Variants in WSB1 observed in about 807,000 individuals in gnomAD.
WSB1 encodes the protein WD repeat and SOCS box-containing protein 1.
In WSB1, 23 loss-of-function variants were observed where a neutral mutation model predicts 50.2. That is an observed-to-expected ratio of 0.46 (90% CI 0.33 to 0.65). The LOEUF is 0.65. Ranked by LOEUF, WSB1 falls within the 30% of genes least tolerant of loss-of-function variation. WSB1 has a pLI of 0.02. For synonymous variants in WSB1, 179 were observed against 172.0 expected (o/e 1.04, Z -0.32); for missense variants, 492 against 522.3 (o/e 0.94, Z 0.56).
Position 27,312,529 on chromosome 17 carries a change from A to G in WSB1, c.*160A>G. 5.5e-6 allele frequency: 5 copies of G among 909,844 alleles called. No individual in the cohort carries two copies. Among genetic ancestry groups the G allele is most frequent in the Non-Finnish European group, 8.0e-6 (5 of 626,946 alleles). The allele number at this position is 909,844 out of a possible 1,614,324, so 56.4% of individuals were successfully genotyped here. ...TGATCAGTTGAGCTTTTAAAATATT[A>G]TTTATAGACAATAGAAGTATTTCTG... On this transcript the variant is annotated 3_prime_UTR_variant, in exon 9 of 9. Transcript: ENST00000262394.
At chr17:27,307,012 G>C in intron 5 of WSB1, 130 bp downstream of exon 5, 1 of 817,806 alleles carries the variant, frequency 1.2e-6, no homozygotes, top group Non-Finnish European at 1.9e-6. Flanking sequence ...TTTATTTCAT[G>C]ATGGGGGAGA....
intron 1 of WSB1, among the ~76,000 whole-genome samples, chr17:27,301,168 G>A (rs765664725): frequency 4.6e-5 from 7 of 152,098 alleles, no homozygotes; most frequent in Non-Finnish European, 1.0e-4. Flanking sequence ...GCAACCACAC[G>A]CGGCCTATAA....
chr17:27,308,581 G>T (rs760633885), intron 5 of WSB1: 286 of 985,712 alleles, frequency 2.9e-4, no homozygotes, highest in Non-Finnish European at 3.4e-4. Context: ...CTATTTGCTT[G>T]CAGTATCTGT....
rs1169545874 is a variant in WSB1, at chr17:27,313,681, C to G, written c.*1312C>G. 2 of 151,794 alleles carry G rather than the reference C, an allele frequency of 1.3e-5. No individual in the cohort carries two copies. The highest frequency in any genetic ancestry group is 2.9e-5 in the Non-Finnish European group (2 of 67,974). 9.4% of individuals were successfully genotyped at this position (151,794 alleles called of 1,614,324 possible). A position where few individuals can be genotyped will look rare whatever the true frequency, so the allele number is the denominator to read the frequency against. Reference sequence around the variant, plus strand: ...ATAGGTTAGGTGGAGTACTTTCTCTCTGTCTCCATTGTAAGGTTGATGGTA... The same window carrying G: ...ATAGGTTAGGTGGAGTACTTTCTCTGTGTCTCCATTGTAAGGTTGATGGTA... On this transcript the variant is annotated 3_prime_UTR_variant, in exon 9 of 9. Transcript: ENST00000262394.
chr17:27,311,823 G>A (rs1027099854), intron 8 of WSB1, among the ~76,000 whole-genome samples: 22 of 151,684 alleles, frequency 1.5e-4, no homozygotes, highest in Non-Finnish European at 7.4e-5. Flanking sequence ...CGTTTTTCCA[G>A]TAGGGTCGGG....
chr17:27,305,417 T>C (rs1214683175), intron 4 of WSB1, among the ~76,000 whole-genome samples: 2 of 152,270 alleles, frequency 1.3e-5, no homozygotes, highest in African/African-American at 4.8e-5. Context: ...AAAGATTTAC[T>C]GTCCAATACA....
chr17:27,311,631 C>CAA lies in WSB1; in HGVS notation c.1106+15_1106+16insAA. The CAA allele has an allele frequency of 3.7e-6, 2 of 537,246 alleles. No homozygotes were observed. The highest frequency in any genetic ancestry group is 5.7e-6 in the Non-Finnish European group (2 of 349,458). The allele number at this position is 537,246 out of a possible 1,614,324, so 33.3% of individuals were successfully genotyped here. On this transcript the variant is annotated intron_variant, in intron 8 of 8. Coordinates refer to ENST00000262394, the MANE Select transcript of WSB1 (RefSeq NM_015626.10). ...TTAGCTGCTGGGTAAATATATTTTTCTCTTTTTTTTTTTTTTTTTTTTTTT... is the reference window on the plus strand; with the variant it reads ...TTAGCTGCTGGGTAAATATATTTTTCAATCTTTTTTTTTTTTTTTTTTTTTTT...
At chr17:27,304,581 T>C (rs1178633534) in intron 3 of WSB1, among the ~76,000 whole-genome samples, 199 bp from the exon 4 acceptor site, 1 of 142,834 alleles carries the variant, frequency 7.0e-6, no homozygotes, top group Admixed American at 7.0e-5. Flanking sequence ...CCGTGGTGAC[T>C]TGTAACTGTA....
At chr17:27,300,697 T>TG (rs2017190207) in intron 1 of WSB1, among the ~76,000 whole-genome samples, 1 of 112,766 alleles carries the variant, frequency 8.9e-6, no homozygotes, top group South Asian at 2.5e-4. Context: ...GTTTTTTTTG[T>TG]TTTTTTTTTT....
At chr17:27,300,484 G>C (rs2017180060) in intron 1 of WSB1, among the ~76,000 whole-genome samples, 1 of 152,064 alleles carries the variant, frequency 6.6e-6, no homozygotes, top group African/African-American at 2.4e-5. Flanking sequence ...GTTAAATATG[G>C]AAGTAATATT....
chr17:27,298,239 G>A (rs958724702), intron 1 of WSB1, among the ~76,000 whole-genome samples: 1 of 151,506 alleles, frequency 6.6e-6, no homozygotes, highest in African/African-American at 2.4e-5. Context: ...GAAATTGAAT[G>A]CAAGGGCTGT....
chr17:27,315,103 C>T lies in WSB1; in HGVS notation c.*2734C>T, dbSNP rs1021435486. ...CAAGTAGAAACATGTTTGAATTTTC[C>T]ATTTGTCTGTGGGGAAGAAGGTAAT... On this transcript the variant is annotated 3_prime_UTR_variant, in exon 9 of 9. Coordinates refer to ENST00000262394, the MANE Select transcript of WSB1 (RefSeq NM_015626.10). 1.3e-5 allele frequency: 2 copies of T among 152,114 alleles called. No homozygotes were observed. The highest frequency in any genetic ancestry group is 2.9e-5 in the Non-Finnish European group (2 of 68,040). 9.4% of individuals were successfully genotyped at this position (152,114 alleles called of 1,614,324 possible). A position where few individuals can be genotyped will look rare whatever the true frequency, so the allele number is the denominator to read the frequency against.
At chr17:27,294,544 C>T in intron 1 of WSB1, 109 bp downstream of exon 1, 6 of 1,476,912 alleles carry the variant, frequency 4.1e-6, no homozygotes, top group Non-Finnish European at 5.6e-6. Flanking sequence ...AGCTCCAGTG[C>T]GCCAGGGCCA....
At chr17:27,304,607 G>A (rs929089186) in intron 3 of WSB1, among the ~76,000 whole-genome samples, 173 bp from the exon 4 acceptor site, 23 of 150,248 alleles carry the variant, frequency 1.5e-4, no homozygotes, top group African/African-American at 5.7e-4. Flanking sequence ...AACTATTTCG[G>A]AGGCTGAGGT....
chr17:27,294,122 G>T lies in WSB1; in HGVS notation c.-274G>T, dbSNP rs2016837269. Reference sequence around the variant, plus strand: ...CCCGCCATTTTGACTCCAGTGTCTCGTTTGCAGTCGGCGCTTTAGGGGAAC... The same window carrying T: ...CCCGCCATTTTGACTCCAGTGTCTCTTTTGCAGTCGGCGCTTTAGGGGAAC... On this transcript the variant is annotated 5_prime_UTR_variant, in exon 1 of 9. Coordinates refer to ENST00000262394, the MANE Select transcript of WSB1 (RefSeq NM_015626.10). 3.4e-6 allele frequency: 1 copy of T among 292,186 alleles called. No individual in the cohort carries two copies. The highest frequency in any genetic ancestry group is 5.2e-5 in the Admixed American group (1 of 19,134). 18.1% of individuals were successfully genotyped at this position (292,186 alleles called of 1,614,324 possible).
Position 27,302,083 on chromosome 17 carries a change from A to G in WSB1, c.209+127A>G, listed in dbSNP as rs1330843813. On this transcript the variant is annotated intron_variant, in intron 2 of 8. Coordinates refer to ENST00000262394, the MANE Select transcript of WSB1 (RefSeq NM_015626.10). The stretch of plus-strand genomic sequence containing the variant: ...ATAGATGATGTCGTGAGTTTTAATC[A>G]TGGGCTGAATATATTTATTGGAAAT... The G allele has an allele frequency of 3.4e-6, 4 of 1,170,666 alleles. No individual in the cohort carries two copies. The South Asian group carries it at 7.2e-5, about 21-fold the overall frequency. 72.5% of individuals were successfully genotyped at this position (1,170,666 alleles called of 1,614,324 possible).
Position 27,310,124 on chromosome 17 carries a change from T to C in WSB1, c.948T>C (p.Ser316=), listed in dbSNP as rs144160675. The C allele has an allele frequency of 8.7e-5, 141 of 1,614,112 alleles. No individual in the cohort carries two copies. The highest frequency in any genetic ancestry group is 6.5e-4 in the South Asian group (59 of 91,084). Residue 316 remains serine, a synonymous_variant, in exon 7 of 9, where the codon TCT becomes TCC. Transcript: ENST00000262394. ...GAGCAAATGACCGGTGGGTACGATC[T>C]GTATCTTTTAGCCATGATGGACTGC... is the stretch of plus-strand genomic sequence containing the variant. The part of the protein sequence containing the change: ...AGGANDRWVR[S]VSFSHDGLHV...
At chr17:27,305,041 A>C in intron 4 of WSB1, 130 bp downstream of exon 4, 1 of 1,158,580 alleles carries the variant, frequency 8.6e-7, no homozygotes, top group Non-Finnish European at 1.2e-6. Context: ...CTGCCTTAAC[A>C]CTTAGGTTCC....
chr17:27,306,809 A>G lies in WSB1; in HGVS notation c.638A>G (p.His213Arg), dbSNP rs1425919404. 1 of 1,614,200 alleles carries G rather than the reference A, an allele frequency of 6.2e-7. No homozygotes were observed. ...AACATGATGAAAGTATTGAGGGGGCATCAGAATTGGGTGTACAGCTGTGCA... is the reference window on the plus strand; with the variant it reads ...AACATGATGAAAGTATTGAGGGGGCGTCAGAATTGGGTGTACAGCTGTGCA... ...DGNMMKVLRG[H>R]QNWVYSCAFS... is the part of the protein sequence containing the mutation. The change falls in exon 5 of 9, where the codon CAT (histidine) becomes CGT (arginine). Residue 213 changes from histidine to arginine, a missense_variant. Coordinates refer to ENST00000262394, the MANE Select transcript of WSB1 (RefSeq NM_015626.10).
Sources: allele counts gnomAD v4.1 joint callset (sites outside exome capture counted in the v4.1 genomes callset), GRCh38; gene constraint gnomAD v4.1.1; transcripts MANE v1.5; gene names NCBI Gene and HGNC (gene_info 2026-07-23, HGNC 2026-07-21).